The following ZNF611 variants were observed in gnomAD, a reference collection of about 807,000 sequenced individuals.
ZNF611 encodes zinc finger protein 611.
A neutral mutation model predicts 8.9 loss-of-function variants in ZNF611; 6 were observed. The observed-to-expected ratio is 0.68, with a 90% CI of 0.37 to 1.34. The LOEUF (loss-of-function observed/expected upper bound fraction) is 1.34. Among genes scored for constraint, ZNF611 ranks in the 40% most tolerant of loss-of-function variants. ZNF611 has a pLI of 0.02. For synonymous variants in ZNF611, 262 were observed against 279.7 expected (o/e 0.94, Z 0.63); for missense variants, 874 against 841.3 (o/e 1.04, Z -0.48).
rs368064973 is a variant in ZNF611, at chr19:52,715,820, A to G, written c.63+12T>C. On this transcript the variant is annotated intron_variant, in intron 4 of 5. Coordinates refer to ENST00000652185, the MANE Select transcript of ZNF611 (RefSeq NM_001161499.2). ...AAGACACAGATTAATCCACAGAGGA[A>G]TATCACTTCACCTGAGGAAGAGCCA... The G allele has an allele frequency of 1.6e-5, 26 of 1,610,670 alleles. No homozygotes were observed. The highest frequency in any genetic ancestry group is 1.2e-4 in the Admixed American group (7 of 59,932).
chr19:52,720,530 G>C, intron 3 of ZNF611, among the ~76,000 whole-genome samples: 1 of 150,842 alleles, frequency 6.6e-6, no homozygotes, highest in African/African-American at 2.5e-5. Flanking sequence ...GCCGGGCAGA[G>C]GCGCTCCTCA....
In ZNF611 at chr19:52,706,777, T is replaced by C. The variant is rs749355488; in HGVS notation, c.278A>G (p.His93Arg). The change falls in exon 6 of 6, where the codon CAT (histidine) becomes CGT (arginine). Residue 93 changes from histidine (H) to arginine (R), a missense_variant. Physicochemically the swap from His to Arg is conservative, Grantham distance 29. Coordinates refer to ENST00000652185, the MANE Select transcript of ZNF611 (RefSeq NM_001161499.2). The stretch of plus-strand genomic sequence containing the variant: ...AAAATCTCCAATGTGATGACTTTCA[T>C]GTCTTTGCAATGTCCCTGTGTGGAT... ...EVIHTGTLQR[H>R]ESHHIGDFCF... The C allele has an allele frequency of 1.5e-5, 24 of 1,614,204 alleles. No individual in the cohort carries two copies. In the Middle Eastern group the frequency reaches 1.3e-3, roughly 89 times the overall value.
rs370536476 is a variant in ZNF611 at position 52,705,795 on chromosome 19, A to G, written c.1260T>C (p.His420=). The stretch of plus-strand genomic sequence containing the variant: ...TACATTTATAAGTTTTCTTTGCAGT[A>G]TGAATTCTTCTATGTCGAGCCAGCT... ...HSQLARHRRI[H]TAKKTYKCNE... Residue 420 remains histidine (H), a synonymous_variant, in exon 6 of 6, where the codon CAT becomes CAC. Coordinates refer to ENST00000652185, the MANE Select transcript of ZNF611 (RefSeq NM_001161499.2). The G allele has an allele frequency of 7.4e-6, 12 of 1,613,406 alleles. No homozygotes were observed. The highest frequency in any genetic ancestry group is 9.3e-6 in the Non-Finnish European group (11 of 1,179,870).
chr19:52,734,592 G>A (rs373272927), intron 1 of ZNF611, among the ~76,000 whole-genome samples: 6 of 150,210 alleles, frequency 4.0e-5, no homozygotes, highest in East Asian at 3.9e-4. Flanking sequence ...CAGGATCCCA[G>A]GACCTGGCAG....
intron 5 of ZNF611, among the ~76,000 whole-genome samples, chr19:52,712,906 G>T (rs563340401): frequency 2.6e-5 from 4 of 152,154 alleles, no homozygotes; most frequent in Non-Finnish European, 5.9e-5. Context: ...AAACAAACTC[G>T]GAAGGGGCCA....
rs200504534 is a variant in ZNF611, at chr19:52,703,326, G to A, written c.*1611C>T. 1.3e-5 allele frequency: 2 copies of A among 152,090 alleles called. No homozygotes were observed. Among genetic ancestry groups the A allele is most frequent in the East Asian group, 3.9e-4 (2 of 5,184 alleles). 9.4% of individuals were successfully genotyped at this position (152,090 alleles called of 1,614,324 possible). A position where few individuals can be genotyped will look rare whatever the true frequency, so the allele number is the denominator to read the frequency against. On this transcript the variant is annotated 3_prime_UTR_variant, in exon 6 of 6. Transcript: ENST00000652185. ...AGATGGAGACTCACTCTGCCACCCA[G>A]GCTGCAGTATAGTGGCACAATTTTG... is the stretch of plus-strand genomic sequence containing the variant.
At chr19:52,734,670 G>A (rs1291270799) in intron 1 of ZNF611, among the ~76,000 whole-genome samples, 1 of 152,264 alleles carries the variant, frequency 6.6e-6, no homozygotes, top group African/African-American at 2.4e-5. Context: ...GGGAGGCTGG[G>A]AGGCGCCCTG....
chr19:52,714,085 G>T lies in ZNF611; in HGVS notation c.120C>A (p.Cys40Ter). 1 of 1,614,016 alleles carries T rather than the reference G, an allele frequency of 6.2e-7. No individual in the cohort carries two copies. The highest frequency in any genetic ancestry group is 8.5e-7 in the Non-Finnish European group (1 of 1,179,990). ...AIEFSLAEWKCLNPSQRALYR... is the reference protein window; with the variant it reads ...AIEFSLAEWK Reference sequence around the variant, plus strand: ...ACAAAGCCCTCTGTGAAGGGTTCAGGCATTTCCACTCTGCCAATGAGAATT... The same window carrying T: ...ACAAAGCCCTCTGTGAAGGGTTCAGTCATTTCCACTCTGCCAATGAGAATT... The change falls in exon 5 of 6, where the codon TGC becomes TGA. Residue 40 changes from cysteine to a stop codon, truncating the protein, a stop_gained. Transcript: ENST00000652185. LOFTEE classifies it high-confidence loss of function.
At position 52,714,126 on chromosome 19, in the gene ZNF611, G is replaced by A. The variant is rs146583693; in HGVS notation, c.79C>T (p.Arg27Trp). 143 of 1,613,268 alleles carry A rather than the reference G, an allele frequency of 8.9e-5. No homozygotes were observed. Among genetic ancestry groups the A allele is most frequent in the Non-Finnish European group, 1.1e-4 (130 of 1,179,896 alleles). ...AATGAGAATTCTATAGCCACATCCC[G>A]GAAAGTCAAGCGTCCCTAAAATGAA... ...MALPQGRLTF[R>W]DVAIEFSLAE... Residue 27 changes from arginine to tryptophan, a missense_variant, in exon 5 of 6, where the codon CGG becomes TGG. Coordinates refer to ENST00000652185, the MANE Select transcript of ZNF611 (RefSeq NM_001161499.2).
rs755247299 is a variant in ZNF611, at chr19:52,705,220, T to C, written c.1835A>G (p.His612Arg). The change falls in exon 6 of 6, where the codon CAT (histidine) becomes CGT (arginine). Residue 612 changes from histidine to arginine, a missense_variant. His to Arg is a conservative substitution (Grantham distance 29). Coordinates refer to ENST00000652185, the MANE Select transcript of ZNF611 (RefSeq NM_001161499.2). The stretch of plus-strand genomic sequence containing the variant: ...TTTCTCACCACTATGAAGTCTACGA[T>C]GGCAATGAAGGGATGACCTGCGACT... ...TFSRRSSLHC[H>R]RRLHSGEKPY... 1 of 1,614,196 alleles carries C rather than the reference T, an allele frequency of 6.2e-7. No individual in the cohort carries two copies. The highest frequency in any genetic ancestry group is 1.1e-5 in the South Asian group (1 of 91,080).
At chr19:52,712,948 C>T (rs1295777815) in intron 5 of ZNF611, among the ~76,000 whole-genome samples, 2 of 152,170 alleles carry the variant, frequency 1.3e-5, no homozygotes, top group African/African-American at 4.8e-5. Flanking sequence ...AATCCCAGCA[C>T]TTTGGGAATC....
At chr19:52,726,525 A>G (rs1262650561) in intron 3 of ZNF611, among the ~76,000 whole-genome samples, 2 of 151,550 alleles carry the variant, frequency 1.3e-5, no homozygotes, top group Admixed American at 1.3e-4. Flanking sequence ...GGTTCACGCC[A>G]TTCTCCTGCC....
At chr19:52,726,723 T>G (rs1323135121) in intron 3 of ZNF611, among the ~76,000 whole-genome samples, 2 of 59,012 alleles carry the variant, frequency 3.4e-5, no homozygotes, top group African/African-American at 9.8e-5. Context: ...CGGCCTTGTG[T>G]TTTTTTTTTT....
At chr19:52,718,149 G>A (rs182792251) in intron 3 of ZNF611, among the ~76,000 whole-genome samples, 1 of 152,106 alleles carries the variant, frequency 6.6e-6, no homozygotes. Flanking sequence ...AGACCAGCCT[G>A]GCCAACATGG....
intron 5 of ZNF611, among the ~76,000 whole-genome samples, chr19:52,710,867 C>T (rs1429951329): frequency 6.6e-6 from 1 of 152,016 alleles, no homozygotes; most frequent in Non-Finnish European, 1.5e-5. Context: ...TCCATCTCTG[C>T]TAAAAATACA....
Position 52,706,213 on chromosome 19 carries a change from T to G in ZNF611, c.842A>C (p.His281Pro). 1 of 1,614,202 alleles carries G rather than the reference T, an allele frequency of 6.2e-7. No homozygotes were observed. Among genetic ancestry groups the G allele is most frequent in the South Asian group, 1.1e-5 (1 of 91,082 alleles). Residue 281 changes from histidine to proline, a missense_variant, in exon 6 of 6, where the codon CAC becomes CCC. Physicochemically the swap from His to Pro is moderately conservative, Grantham distance 77. Coordinates refer to ENST00000652185, the MANE Select transcript of ZNF611 (RefSeq NM_001161499.2). ...ACACTTGTAAGGTTTCTCAACAGTGTGACATCTATCATGGCATGCAAGGTA... is the reference window on the plus strand; with the variant it reads ...ACACTTGTAAGGTTTCTCAACAGTGGGACATCTATCATGGCATGCAAGGTA... ...EQYLACHDRCHTVEKPYKCKE... is the reference protein window; with the variant it reads ...EQYLACHDRCPTVEKPYKCKE...
intron 3 of ZNF611, among the ~76,000 whole-genome samples, chr19:52,727,826 T>C (rs990285340): frequency 1.3e-5 from 2 of 152,038 alleles, no homozygotes; most frequent in African/African-American, 4.8e-5. Flanking sequence ...TACAGGTCCA[T>C]AGCTTTAAAT....
intron 3 of ZNF611, chr19:52,723,434 T>G (rs1342758919): frequency 6.6e-6 from 1 of 151,946 alleles, no homozygotes. Context: ...TTTTGTATTT[T>G]TAGTAGAGAC....
chr19:52,705,352 C>T lies in ZNF611; in HGVS notation c.1703G>A (p.Cys568Tyr). 1 of 1,614,156 alleles carries T rather than the reference C, an allele frequency of 6.2e-7. No homozygotes were observed. The highest frequency in any genetic ancestry group is 1.1e-5 in the South Asian group (1 of 91,074). ...ACTGAAGGTCTTGCTGCACTCATTA[C>T]ACTTGTAAGGTTTCTCTCCACTATG... ...RIHSGEKPYK[C>Y]NECSKTFSHR... The change falls in exon 6 of 6, where the codon TGT becomes TAT. Residue 568 changes from cysteine (C) to tyrosine (Y), a missense_variant. By Grantham distance (194) the Cys-to-Tyr change is radical (BLOSUM62 -2). Coordinates refer to ENST00000652185, the MANE Select transcript of ZNF611 (RefSeq NM_001161499.2).
Sources: allele counts gnomAD v4.1 joint callset (sites outside exome capture counted in the v4.1 genomes callset), GRCh38; gene constraint gnomAD v4.1.1; transcripts MANE v1.5; gene names NCBI Gene and HGNC (gene_info 2026-07-23, HGNC 2026-07-21).